LRRC75A: variants seen among roughly 807,000 people sequenced by gnomAD.
The protein encoded by LRRC75A is leucine rich repeat containing 75A, also known as leucine-rich repeat-containing protein 75A.
LRRC75A carries 12 observed loss-of-function variants against 26.0 expected under a neutral mutation model. The observed-to-expected ratio is 0.46, with a 90% confidence interval of 0.30 to 0.75. The LOEUF is 0.75. Ranked by LOEUF, LRRC75A falls within the 30% of genes least tolerant of loss-of-function variation. LRRC75A has a pLI of 0.08. For synonymous variants in LRRC75A, 223 were observed against 219.3 expected, an observed-to-expected ratio of 1.02 and a Z score of -0.15; for missense variants, 410 against 486.6, an observed-to-expected ratio of 0.84 and a Z score of 1.48.
chr17:16,462,212 A>C lies in LRRC75A; in HGVS notation c.375+46T>G, dbSNP rs2093732742. ...AGCTGCTCTGCCCAGAAAGGCACCC[A>C]CCGCACACCCCGGGACCTGGCTGGC... On this transcript the variant is annotated intron_variant, in intron 2 of 3. Coordinates refer to ENST00000470794, the MANE Select transcript of LRRC75A (RefSeq NM_001113567.3). The surrounding 1 kb of genome is among the most constrained non-coding windows in gnomAD (Gnocchi z 4.6). The C allele has an allele frequency of 6.2e-7, 1 of 1,610,350 alleles. No homozygotes were observed. The highest frequency in any genetic ancestry group is 2.2e-5 in the East Asian group (1 of 44,816).
In LRRC75A at chr17:16,491,615, C is replaced by T. The variant is rs996506069; in HGVS notation, c.246+130G>A. On this transcript the variant is annotated intron_variant, in intron 1 of 3. Transcript: ENST00000470794. This position sits in a 1 kb window ranked among gnomAD's most constrained non-coding sequence, Gnocchi z 5.9. The stretch of plus-strand genomic sequence containing the variant: ...CACCTGCTGCCAGACAGGGCTCCAT[C>T]CCCGCGGAAGGGGCCCCTGGGCGGT... 2 of 587,572 alleles carry T rather than the reference C, an allele frequency of 3.4e-6. No homozygotes were observed. Among genetic ancestry groups the T allele is most frequent in the Non-Finnish European group, 4.9e-6 (2 of 406,466 alleles). 36.4% of individuals were successfully genotyped at this position (587,572 alleles called of 1,614,324 possible).
Position 16,444,212 on chromosome 17 carries a change from G to A in LRRC75A, c.492-81C>T, listed in dbSNP as rs563860838. 87 of 1,196,552 alleles carry A rather than the reference G, an allele frequency of 7.3e-5. No individual in the cohort carries two copies. In the East Asian group the frequency reaches 1.3e-3, roughly 18 times the overall value. 74.1% of individuals were successfully genotyped at this position (1,196,552 alleles called of 1,614,324 possible). On this transcript the variant is annotated intron_variant, in intron 3 of 3. Transcript: ENST00000470794. The stretch of plus-strand genomic sequence containing the variant: ...GAAGCTGCAGTGCCAGCCTCTGCTC[G>A]GCTCTCCGACGCTAGGGACTGCTTT...
chr17:16,451,855 CT>C (rs2093633890), intron 2 of LRRC75A, among the ~76,000 whole-genome samples: 1 of 151,298 alleles, frequency 6.6e-6, no homozygotes, highest in Admixed American at 6.6e-5. Context: ...CGCCATTCTC[CT>C]GCCTCAGCCT....
chr17:16,463,472 G>A (rs931072329), intron 1 of LRRC75A, among the ~76,000 whole-genome samples: 1 of 152,148 alleles, frequency 6.6e-6, no homozygotes, highest in Non-Finnish European at 1.5e-5. Flanking sequence ...CCATCCTGGG[G>A]AACATGAGAC....
chr17:16,464,007 C>G (rs1034215050), intron 1 of LRRC75A: 1 of 152,216 alleles, frequency 6.6e-6, no homozygotes, highest in African/African-American at 2.4e-5. Context: ...GCCTGGGTGT[C>G]ATGCCTGGGG....
chr17:16,487,330 T>TGACC (rs937260113), intron 1 of LRRC75A, among the ~76,000 whole-genome samples: 1 of 152,218 alleles, frequency 6.6e-6, no homozygotes, highest in Non-Finnish European at 1.5e-5. Flanking sequence ...AGGAAAAAGG[T>TGACC]GACCTTCTGA....
At chr17:16,477,287 T>C (rs1382342678) in intron 1 of LRRC75A, among the ~76,000 whole-genome samples, 1 of 152,168 alleles carries the variant, frequency 6.6e-6, no homozygotes, top group East Asian at 1.9e-4. Flanking sequence ...CACATAAAAT[T>C]AACCATCACA....
chr17:16,447,187 A>G (rs944581925), intron 3 of LRRC75A, among the ~76,000 whole-genome samples: 1 of 152,102 alleles, frequency 6.6e-6, no homozygotes, highest in Non-Finnish European at 1.5e-5. Flanking sequence ...GTGTTATCAC[A>G]GCCCACAGGT....
Position 16,471,724 on chromosome 17 carries a change from G to C in LRRC75A, c.247-9338C>G, listed in dbSNP as rs116111079. Reference sequence around the variant, plus strand: ...CATGGGAAAGAACCTTTAAAAACAGGTGATGAAGGAAATGCTGACACTGTC... The same window carrying C: ...CATGGGAAAGAACCTTTAAAAACAGCTGATGAAGGAAATGCTGACACTGTC... On this transcript the variant is annotated intron_variant, in intron 1 of 3. Coordinates refer to ENST00000470794, the MANE Select transcript of LRRC75A (RefSeq NM_001113567.3). Among the ~76,000 whole-genome samples the C allele has an allele frequency of 8.9e-3, 1,355 of 152,310 alleles. 19 individuals carry two copies. The highest frequency in any genetic ancestry group is 0.031 in the African/African-American group (1,271 of 41,558).
intron 1 of LRRC75A, among the ~76,000 whole-genome samples, chr17:16,473,374 A>G (rs2093812267): frequency 6.6e-6 from 1 of 152,158 alleles, no homozygotes; most frequent in South Asian, 2.1e-4. Context: ...ACTGGACGGC[A>G]TGGGAACCCT....
intron 1 of LRRC75A, among the ~76,000 whole-genome samples, chr17:16,476,883 C>A (rs1477070456): frequency 1.3e-5 from 2 of 151,876 alleles, no homozygotes; most frequent in Non-Finnish European, 2.9e-5. Context: ...GGACCACAGG[C>A]GCCCACCACC....
chr17:16,471,255 A>G (rs1054072319), intron 1 of LRRC75A, among the ~76,000 whole-genome samples: 1 of 152,218 alleles, frequency 6.6e-6, no homozygotes, highest in African/African-American at 2.4e-5. Context: ...AGGGAGAAAG[A>G]GTGAAATCTC....
At chr17:16,485,979 C>T (rs1218966603) in intron 1 of LRRC75A, among the ~76,000 whole-genome samples, 2 of 152,134 alleles carry the variant, frequency 1.3e-5, no homozygotes, top group Admixed American at 6.5e-5. Context: ...CCCAGGCCCA[C>T]GGTCACAGTA....
intron 1 of LRRC75A, among the ~76,000 whole-genome samples, chr17:16,475,318 G>A (rs1225853639): frequency 6.6e-6 from 1 of 152,212 alleles, no homozygotes; most frequent in African/African-American, 2.4e-5. Context: ...ATGTGTGTGT[G>A]TGTGGAGAGA....
intron 2 of LRRC75A, among the ~76,000 whole-genome samples, chr17:16,458,312 AGAAAGAAAGAAAAGAAAG>A (rs1398233517): frequency 6.6e-6 from 1 of 152,162 alleles, no homozygotes; most frequent in Admixed American, 6.5e-5. Flanking sequence ...GTCAAAAGAA[AGAAAGAAAGAAAAGAAAG>A]GAAAGAAAGA....
intron 1 of LRRC75A, among the ~76,000 whole-genome samples, chr17:16,487,196 G>A (rs2093848858): frequency 6.6e-6 from 1 of 152,212 alleles, no homozygotes; most frequent in African/African-American, 2.4e-5. Context: ...GGTGCATTCA[G>A]TGGAAACATG....
rs1444803565 is a variant in LRRC75A at position 16,444,323 on chromosome 17, A to G, written c.492-192T>C. On this transcript the variant is annotated intron_variant, in intron 3 of 3. Transcript: ENST00000470794. ...GTCCCCTGACACTGCCGCACGTCTCAGCTGTCAGGGCCCAGCTGGCCGTAG... is the reference window on the plus strand; with the variant it reads ...GTCCCCTGACACTGCCGCACGTCTCGGCTGTCAGGGCCCAGCTGGCCGTAG... Among the ~76,000 whole-genome samples the G allele has an allele frequency of 3.3e-5, 5 of 152,242 alleles. 1 individual carries two copies. The highest frequency in any genetic ancestry group is 2.0e-4 in the Admixed American group (3 of 15,284).
intron 1 of LRRC75A, among the ~76,000 whole-genome samples, chr17:16,477,021 A>T (rs1374723063): frequency 1.3e-5 from 2 of 150,394 alleles, no homozygotes; most frequent in East Asian, 2.0e-4. Context: ...TACAGGCGTG[A>T]GCCACTGCGC....
At chr17:16,489,543 T>C (rs954321462) in intron 1 of LRRC75A, among the ~76,000 whole-genome samples, 1 of 152,170 alleles carries the variant, frequency 6.6e-6, no homozygotes, top group Admixed American at 6.5e-5. Flanking sequence ...GAAAGGAAAA[T>C]GCAATTTTGG....
Sources: gnomAD v4.1 joint callset for allele counts (sites outside exome capture counted in the v4.1 genomes callset) on GRCh38, gnomAD v4.1.1 for gene constraint, Gnocchi (gnomAD v3.1) non-coding constraint, MANE v1.5 for transcripts, NCBI Gene and HGNC (gene_info 2026-07-23, HGNC 2026-07-21) for gene names.